The following SOX6 variants were observed in gnomAD, a reference collection of about 807,000 sequenced individuals.
SOX6 encodes transcription factor SOX-6.
A neutral mutation model predicts 97.8 loss-of-function variants in SOX6; 11 were observed. The ratio of observed to expected loss-of-function variants is 0.11; its 90% CI spans 0.07 to 0.19. The LOEUF (loss-of-function observed/expected upper bound fraction) is 0.19. Ranked by LOEUF, SOX6 falls within the 10% of genes least tolerant of loss-of-function variation. The pLI, the probability that SOX6 is intolerant of heterozygous loss-of-function variation, is 1.00. For synonymous variants in SOX6, 360 were observed against 371.4 expected (o/e 0.97, Z 0.35); for missense variants, 810 against 1,039.5 (o/e 0.78, Z 3.04).
chr11:16,439,935 C>T (rs1449628571), intron 1 of SOX6, among the ~76,000 whole-genome samples: 1 of 152,142 alleles, frequency 6.6e-6, no homozygotes, highest in Non-Finnish European at 1.5e-5. Context: ...TCTGAAGTGT[C>T]TAGATTCTCC....
At chr11:16,502,126 G>A (rs1590225538) in intron 4 of SOX6, among the ~76,000 whole-genome samples, 1 of 152,140 alleles carries the variant, frequency 6.6e-6, no homozygotes, top group Admixed American at 6.5e-5. Flanking sequence ...GGAATACTAT[G>A]CAGCCATAAA....
intron 3 of SOX6, among the ~76,000 whole-genome samples, chr11:16,256,439 C>T (rs1339653424): frequency 6.6e-6 from 1 of 151,890 alleles, no homozygotes; most frequent in East Asian, 1.9e-4. Flanking sequence ...CATCAACAGG[C>T]TAACAATGAT....
At chr11:16,290,967 T>G (rs1317301562) in intron 3 of SOX6, among the ~76,000 whole-genome samples, 1 of 152,032 alleles carries the variant, frequency 6.6e-6, no homozygotes, top group African/African-American at 2.4e-5. Context: ...CACCTGCACC[T>G]CGGGGAAGCT....
At chr11:15,991,216 G>A (rs750782196) in intron 13 of SOX6, among the ~76,000 whole-genome samples, 6 of 151,946 alleles carry the variant, frequency 3.9e-5, no homozygotes, top group Non-Finnish European at 8.8e-5. Flanking sequence ...TTTTTGCCAC[G>A]ATACCCACAG....
At chr11:16,719,943 A>G (rs1348578441) in intron 2 of SOX6, among the ~76,000 whole-genome samples, 1 of 152,220 alleles carries the variant, frequency 6.6e-6, no homozygotes, top group Admixed American at 6.5e-5. Flanking sequence ...AAAACACTTT[A>G]TATCAGTTTA....
intron 1 of SOX6, among the ~76,000 whole-genome samples, chr11:16,437,694 T>A (rs1438070965): frequency 6.6e-6 from 1 of 152,218 alleles, no homozygotes; most frequent in African/African-American, 2.4e-5. Context: ...CAGGCACTCT[T>A]CTCAGCACTT....
intron 7 of SOX6, among the ~76,000 whole-genome samples, chr11:16,110,093 T>TC (rs1849192490): frequency 6.6e-6 from 1 of 152,020 alleles, no homozygotes; most frequent in Non-Finnish European, 1.5e-5. Flanking sequence ...AACAATATCT[T>TC]CCCCCATGAA....
At chr11:16,322,521 T>C (rs953110380) in intron 2 of SOX6, among the ~76,000 whole-genome samples, 1 of 152,284 alleles carries the variant, frequency 6.6e-6, no homozygotes, top group South Asian at 2.1e-4. Flanking sequence ...TATAGCAGTG[T>C]GAGAATGGTC....
intron 1 of SOX6, among the ~76,000 whole-genome samples, chr11:16,401,335 G>GA (rs1382081285): frequency 7.3e-5 from 11 of 151,192 alleles, no homozygotes; most frequent in East Asian, 1.9e-4. Context: ...TTTTGACAGG[G>GA]AAAAAAATCT....
intron 3 of SOX6, chr11:16,314,855 T>C (rs1855714027): frequency 6.6e-6 from 1 of 152,196 alleles, no homozygotes; most frequent in African/African-American, 2.4e-5. Flanking sequence ...TTAGGCCCTC[T>C]ATAAGATCTT....
rs560986294 is a variant in SOX6 at position 16,256,277 on chromosome 11, A to G, written c.446-21606T>C. On this transcript the variant is annotated intron_variant, in intron 3 of 15. Transcript: ENST00000683767. ...TAAAAACCATACATCAGTAACTCTCATGAACACAAATGCAAAAATCCTCAA... is the reference window on the plus strand; with the variant it reads ...TAAAAACCATACATCAGTAACTCTCGTGAACACAAATGCAAAAATCCTCAA... Among the ~76,000 whole-genome samples the G allele has an allele frequency of 2.0e-5, 3 of 152,090 alleles. No individual in the cohort carries two copies. The South Asian group carries it at 6.2e-4, about 32-fold the overall frequency.
chr11:16,436,402 C>T (rs1363830677), intron 1 of SOX6, among the ~76,000 whole-genome samples: 1 of 152,114 alleles, frequency 6.6e-6, no homozygotes, highest in East Asian at 1.9e-4. Context: ...CTTTCCCTCT[C>T]TCCTTTCCTC....
chr11:16,737,301 G>C (rs989886950), intron 1 of SOX6, among the ~76,000 whole-genome samples: 1 of 152,136 alleles, frequency 6.6e-6, no homozygotes, highest in African/African-American at 2.4e-5. Flanking sequence ...CCGCCTCCCG[G>C]GTTCAAGCGA....
intron 6 of SOX6, among the ~76,000 whole-genome samples, chr11:16,178,740 C>A (rs1319592672): frequency 6.6e-6 from 1 of 151,542 alleles, no homozygotes; most frequent in Non-Finnish European, 1.5e-5. Flanking sequence ...CAATAACATA[C>A]AAAAAACGAC....
In SOX6 at chr11:16,517,932, C is replaced by A. The variant is rs139439793; in HGVS notation, n.610-41544G>T. Among the ~76,000 whole-genome samples, 88 of 152,278 alleles carry A rather than the reference C, an allele frequency of 5.8e-4. 1 individual carries two copies. In the East Asian group the frequency reaches 0.017, roughly 29 times the overall value. On this transcript the variant is annotated intron_variant and non_coding_transcript_variant, in intron 4 of 5. Transcript: ENST00000524520. ...CTATTCTCTCACTGCCCTTGACTAA[C>A]CCCTTACTGCCTCTCAACTAAACTT...
chr11:16,255,823 C>T (rs576541418), intron 3 of SOX6, among the ~76,000 whole-genome samples: 7 of 149,634 alleles, frequency 4.7e-5, no homozygotes, highest in Middle Eastern at 3.4e-3. Context: ...AATAGATGAA[C>T]TTCTAGCCAG....
intron 1 of SOX6, among the ~76,000 whole-genome samples, chr11:16,421,503 C>A (rs2133065489): frequency 6.6e-6 from 1 of 152,200 alleles, no homozygotes; most frequent in East Asian, 1.9e-4. Flanking sequence ...GTGAACAAAG[C>A]CAACTTCAGC....
intron 3 of SOX6, among the ~76,000 whole-genome samples, chr11:16,263,623 G>C (rs189781772): frequency 4.6e-5 from 7 of 152,002 alleles, no homozygotes. Flanking sequence ...CAGAATATCA[G>C]GACAGAATTC....
chr11:16,628,351 T>C (rs1430148095), intron 3 of SOX6, among the ~76,000 whole-genome samples: 1 of 151,974 alleles, frequency 6.6e-6, no homozygotes, highest in African/African-American at 2.4e-5. Flanking sequence ...GGGCCGGGCA[T>C]GGTTGCTCAC....
Sources: allele counts gnomAD v4.1 joint callset (sites outside exome capture counted in the v4.1 genomes callset), GRCh38; gene constraint gnomAD v4.1.1; transcripts MANE v1.5; gene names NCBI Gene and HGNC (gene_info 2026-07-23, HGNC 2026-07-21).